Variants in CDH18 observed in about 807,000 individuals in gnomAD.
CDH18 encodes the protein cadherin 18.
In CDH18, 31 loss-of-function variants were observed where a neutral mutation model predicts 67.9. The observed-to-expected ratio is 0.46, with a 90% CI of 0.34 to 0.62. The LOEUF (loss-of-function observed/expected upper bound fraction) is 0.62. Ranked by LOEUF, CDH18 falls within the 20% of genes least tolerant of loss-of-function variation. The probability of loss-of-function intolerance (pLI) is 0.01; values close to 1 mark genes in which losing one functional copy is unlikely to be tolerated. For synonymous variants in CDH18, 362 were observed against 347.2 expected (o/e 1.04, Z -0.48); for missense variants, 890 against 975.5 (o/e 0.91, Z 1.17).
intron 3 of CDH18, among the ~76,000 whole-genome samples, chr5:19,778,522 A>G (rs528242268): frequency 6.6e-6 from 1 of 152,278 alleles, no homozygotes; most frequent in East Asian, 1.9e-4. Context: ...CAAGATGAAA[A>G]ATGATTTTAT....
At position 19,676,305 on chromosome 5, in the gene CDH18, G is replaced by A. The variant is rs147103473; in HGVS notation, c.643+45042C>T. Reference sequence around the variant, plus strand: ...TATTCATAAAAATTACCCCAACTTCGCTAAAGAGGTAATCATTCAAATTGA... The same window carrying A: ...TATTCATAAAAATTACCCCAACTTCACTAAAGAGGTAATCATTCAAATTGA... On this transcript the variant is annotated intron_variant, in intron 5 of 12. Coordinates refer to ENST00000382275, the MANE Select transcript of CDH18 (RefSeq NM_004934.5). Among the ~76,000 whole-genome samples the A allele has an allele frequency of 2.0e-3, 311 of 152,012 alleles. 1 individual carries two copies. Among genetic ancestry groups the A allele is most frequent in the African/African-American group, 7.0e-3 (291 of 41,458 alleles).
At chr5:19,667,505 TATACAC>T (rs1333007880) in intron 5 of CDH18, among the ~76,000 whole-genome samples, 2,796 of 127,490 alleles carry the variant, frequency 0.022, 86 homozygotes, top group African/African-American at 0.067. Context: ...TATATATATA[TATACAC>T]ACACACACAC....
Position 19,508,123 on chromosome 5 carries a change from C to T in CDH18, c.1513-5014G>A, listed in dbSNP as rs1463630346. ...TTTGTCCAAAATGCTGTAATATTTGCTTGGTCTCTGCTCTGTATTGGCATA... is the reference window on the plus strand; with the variant it reads ...TTTGTCCAAAATGCTGTAATATTTGTTTGGTCTCTGCTCTGTATTGGCATA... On this transcript the variant is annotated intron_variant, in intron 10 of 12. Coordinates refer to ENST00000382275, the MANE Select transcript of CDH18 (RefSeq NM_004934.5). 2.0e-5 allele frequency among the ~76,000 whole-genome samples: 3 copies of T among 150,688 alleles called. No individual in the cohort carries two copies. In the South Asian group the frequency reaches 6.2e-4, roughly 31 times the overall value.
intron 2 of CDH18, among the ~76,000 whole-genome samples, chr5:20,136,653 C>T (rs945062564): frequency 3.9e-5 from 6 of 152,116 alleles, no homozygotes; most frequent in Non-Finnish European, 5.9e-5. Context: ...GGTTATTTTG[C>T]TCATTAGTCA....
chr5:19,917,336 TC>T (rs113118463), intron 2 of CDH18, among the ~76,000 whole-genome samples: 69 of 149,936 alleles, frequency 4.6e-4, no homozygotes, highest in African/African-American at 1.2e-3. Flanking sequence ...ATTTTTTCTT[TC>T]CCCCCCCGCC....
chr5:20,007,150 A>G (rs970840608), intron 2 of CDH18, among the ~76,000 whole-genome samples: 4 of 151,964 alleles, frequency 2.6e-5, no homozygotes, highest in Non-Finnish European at 5.9e-5. Context: ...TATAGATTAT[A>G]TATAAGTAAA....
At chr5:20,142,986 G>T (rs931345974) in intron 2 of CDH18, among the ~76,000 whole-genome samples, 1 of 152,140 alleles carries the variant, frequency 6.6e-6, no homozygotes, top group Admixed American at 6.6e-5. Flanking sequence ...AAAATATAGA[G>T]GTAGTTTGGG....
chr5:19,636,967 G>A (rs1380107747), intron 5 of CDH18, among the ~76,000 whole-genome samples: 1 of 152,096 alleles, frequency 6.6e-6, no homozygotes, highest in Non-Finnish European at 1.5e-5. Context: ...AGAAATGACA[G>A]AATACTGTCT....
chr5:20,305,934 TTTCTA>T (rs1188506243), intron 1 of CDH18: 2 of 165,542 alleles, frequency 1.2e-5, no homozygotes, highest in African/African-American at 4.8e-5. Context: ...CATATTTACA[TTTCTA>T]TTTTATTATA....
chr5:20,555,765 G>A (rs1324953858), intron 1 of CDH18, among the ~76,000 whole-genome samples: 1 of 150,156 alleles, frequency 6.7e-6, no homozygotes, highest in Non-Finnish European at 1.5e-5. Context: ...TTTTCCTTCA[G>A]GCCCTGATTA....
At chr5:20,275,087 T>A (rs1745705719) in intron 1 of CDH18, among the ~76,000 whole-genome samples, 1 of 152,180 alleles carries the variant, frequency 6.6e-6, no homozygotes, top group South Asian at 2.1e-4. Context: ...TAAAGATTTT[T>A]TTTTTATTAT....
chr5:19,939,481 T>C (rs1794614102), intron 2 of CDH18, among the ~76,000 whole-genome samples: 1 of 151,772 alleles, frequency 6.6e-6, no homozygotes, highest in Admixed American at 6.6e-5. Context: ...GCTTTAAAGC[T>C]GATTTCACCA....
intron 2 of CDH18, among the ~76,000 whole-genome samples, chr5:20,227,980 T>C (rs566129423): frequency 1.2e-4 from 19 of 152,256 alleles, no homozygotes; most frequent in African/African-American, 4.3e-4. Flanking sequence ...TCAGCTAACA[T>C]TGCCTTTTGA....
intron 1 of CDH18, among the ~76,000 whole-genome samples, chr5:20,308,200 C>G (rs951840360): frequency 6.9e-6 from 1 of 145,830 alleles, no homozygotes; most frequent in Non-Finnish European, 1.5e-5. Context: ...TCTTGTTCTA[C>G]TTCTAAAACA....
chr5:19,899,002 A>G (rs1789644311), intron 2 of CDH18, among the ~76,000 whole-genome samples: 1 of 152,228 alleles, frequency 6.6e-6, no homozygotes, highest in South Asian at 2.1e-4. Flanking sequence ...AAATACTAGA[A>G]TGGTAATTTC....
chr5:20,012,102 C>G (rs925405125), intron 2 of CDH18, among the ~76,000 whole-genome samples: 1 of 151,764 alleles, frequency 6.6e-6, no homozygotes, highest in African/African-American at 2.4e-5. Flanking sequence ...CTATAACTGC[C>G]TCAATTTCAG....
intron 1 of CDH18, among the ~76,000 whole-genome samples, chr5:20,347,500 G>T (rs1561992640): frequency 1.3e-5 from 2 of 152,188 alleles, no homozygotes; most frequent in Non-Finnish European, 2.9e-5. Flanking sequence ...AACAGAGAGA[G>T]GCAATATTCA....
At chr5:20,527,260 T>G (rs1581154419) in intron 1 of CDH18, among the ~76,000 whole-genome samples, 1 of 152,032 alleles carries the variant, frequency 6.6e-6, no homozygotes, top group African/African-American at 2.4e-5. Flanking sequence ...TATGGGACTA[T>G]GTAAAAAGAC....
At chr5:19,828,550 T>A (rs1212132160) in intron 3 of CDH18, among the ~76,000 whole-genome samples, 1 of 152,234 alleles carries the variant, frequency 6.6e-6, no homozygotes, top group African/African-American at 2.4e-5. Context: ...CATGATCAAG[T>A]AGGCTTTATG....
Sources: allele counts gnomAD v4.1 joint callset (sites outside exome capture counted in the v4.1 genomes callset), GRCh38; gene constraint gnomAD v4.1.1; transcripts MANE v1.5; gene names NCBI Gene and HGNC (gene_info 2026-07-23, HGNC 2026-07-21).